Variants in RASSF3 observed in about 807,000 individuals in gnomAD.
RASSF3 encodes ras association domain-containing protein 3.
RASSF3 carries 19 observed loss-of-function variants against 19.9 expected under a neutral mutation model. The observed-to-expected ratio is 0.96, with a 90% CI of 0.67 to 1.40. The LOEUF is 1.40. Ranked by LOEUF, RASSF3 falls within the 40% of genes most tolerant of loss-of-function variation. RASSF3 has a pLI of 0.00. For synonymous variants in RASSF3, 110 were observed against 104.2 expected (o/e 1.06, Z -0.34); for missense variants, 306 against 289.8 (o/e 1.06, Z -0.41).
chr12:64,620,083 C>T (rs1798214617), intron 1 of RASSF3, among the ~76,000 whole-genome samples: 1 of 144,338 alleles, frequency 6.9e-6, no homozygotes, highest in African/African-American at 2.6e-5. Flanking sequence ...CACAATGATG[C>T]TAGACTAAGT....
chr12:64,638,511 C>T (rs907682367), intron 1 of RASSF3, among the ~76,000 whole-genome samples: 5 of 147,696 alleles, frequency 3.4e-5, no homozygotes, highest in Non-Finnish European at 7.4e-5. Context: ...ACCCAGGAGG[C>T]GGAGCTTGCG....
intron 1 of RASSF3, among the ~76,000 whole-genome samples, chr12:64,669,467 C>A (rs1363342192): frequency 6.6e-6 from 1 of 151,864 alleles, no homozygotes; most frequent in African/African-American, 2.4e-5. Context: ...GTTGACTCTT[C>A]TTTTACAGTG....
intron 1 of RASSF3, among the ~76,000 whole-genome samples, chr12:64,653,892 ACTGC>A (rs1304774957): frequency 1.3e-5 from 2 of 152,154 alleles, no homozygotes; most frequent in Non-Finnish European, 2.9e-5. Context: ...TCTAGAGAGC[ACTGC>A]CTGCGGGATG....
rs539399088 is a variant in RASSF3 at position 64,677,439 on chromosome 12, AT to A, written c.112-7341del. Among the ~76,000 whole-genome samples, 494 of 151,594 alleles carry A rather than the reference AT, an allele frequency of 3.3e-3. 1 individual carries two copies. Among genetic ancestry groups the A allele is most frequent in the Admixed American group, 7.4e-3 (113 of 15,234 alleles). ...CATACCATCATACCCAGCTATTTCTATTTTTTTGTTTGTTTTTTTAGAGACA... is the reference window on the plus strand; with the variant it reads ...CATACCATCATACCCAGCTATTTCTATTTTTTGTTTGTTTTTTTAGAGACA... On this transcript the variant is annotated intron_variant, in intron 1 of 4. Coordinates refer to ENST00000542104, the MANE Select transcript of RASSF3 (RefSeq NM_178169.4).
chr12:64,600,617 T>G (rs1276892058), intron 2 of RASSF3, among the ~76,000 whole-genome samples: 1 of 152,216 alleles, frequency 6.6e-6, no homozygotes, highest in Non-Finnish European at 1.5e-5. Context: ...ACTGCTTCCA[T>G]TCACCATATA....
upstream of RASSF3, among the ~76,000 whole-genome samples, chr12:64,528,870 A>G (rs1868645691): frequency 6.6e-6 from 1 of 152,206 alleles, no homozygotes; most frequent in African/African-American, 2.4e-5. Flanking sequence ...AGCTGGGAGC[A>G]CAAGCTTTAG....
chr12:64,600,362 G>A (rs1342218496), intron 2 of RASSF3, among the ~76,000 whole-genome samples: 2 of 152,048 alleles, frequency 1.3e-5, no homozygotes, highest in Non-Finnish European at 2.9e-5. Flanking sequence ...TGTCCCCCCT[G>A]TGGGCTTTCT....
intron 1 of RASSF3, among the ~76,000 whole-genome samples, chr12:64,659,216 A>G (rs916902454): frequency 6.6e-6 from 1 of 152,188 alleles, no homozygotes; most frequent in African/African-American, 2.4e-5. Context: ...TAAATTCTTT[A>G]CTTGGTGGGA....
At chr12:64,516,347 C>T (rs1182445078) in intron 1 of RASSF3, among the ~76,000 whole-genome samples, 9 of 152,076 alleles carry the variant, frequency 5.9e-5, no homozygotes, top group African/African-American at 2.2e-4. Flanking sequence ...CGGCCGGGCG[C>T]GGTGGCTCAC....
chr12:64,526,506 C>T (rs901139088), intron 1 of RASSF3, among the ~76,000 whole-genome samples: 9 of 151,974 alleles, frequency 5.9e-5, no homozygotes, highest in African/African-American at 2.2e-4. Context: ...CTACTTTCTA[C>T]CTCTGTGAGT....
chr12:64,540,486 T>C (rs1296281952), intron 1 of RASSF3, among the ~76,000 whole-genome samples: 2 of 152,188 alleles, frequency 1.3e-5, no homozygotes, highest in Non-Finnish European at 2.9e-5. Context: ...ACAGGAAAAC[T>C]TGTCCATGAA....
At chr12:64,646,283 A>G (rs1361478361) in intron 1 of RASSF3, among the ~76,000 whole-genome samples, 1 of 152,170 alleles carries the variant, frequency 6.6e-6, no homozygotes, top group Non-Finnish European at 1.5e-5. Flanking sequence ...TTTAGTAGAT[A>G]TTACCAGTTT....
intron 1 of RASSF3, among the ~76,000 whole-genome samples, chr12:64,619,724 G>C (rs1392646970): frequency 1.3e-5 from 2 of 152,106 alleles, no homozygotes; most frequent in Non-Finnish European, 2.9e-5. Flanking sequence ...GCTCACGCCT[G>C]TAATCCCAGC....
chr12:64,594,843 G>T (rs751089642), intron 2 of RASSF3, among the ~76,000 whole-genome samples: 43 of 151,932 alleles, frequency 2.8e-4, no homozygotes, highest in African/African-American at 1.0e-3. Flanking sequence ...GAACTCTTGG[G>T]CTCAAACGAT....
chr12:64,640,454 C>A (rs913410234), intron 1 of RASSF3, among the ~76,000 whole-genome samples: 1 of 152,190 alleles, frequency 6.6e-6, no homozygotes, highest in African/African-American at 2.4e-5. Flanking sequence ...AACAACTTCT[C>A]ATTTCCCTCT....
chr12:64,523,856 T>C (rs1481534484), intron 1 of RASSF3, among the ~76,000 whole-genome samples: 1 of 151,702 alleles, frequency 6.6e-6, no homozygotes, highest in Non-Finnish European at 1.5e-5. Context: ...TACAAGAACA[T>C]GCCACTGCAC....
At chr12:64,583,180 G>A (rs561922401) in intron 2 of RASSF3, among the ~76,000 whole-genome samples, 1 of 152,220 alleles carries the variant, frequency 6.6e-6, no homozygotes, top group African/African-American at 2.4e-5. Flanking sequence ...TCCAGAATAG[G>A]AACAAAATGA....
chr12:64,537,358 G>T (rs934800041), intron 1 of RASSF3, among the ~76,000 whole-genome samples: 3 of 152,194 alleles, frequency 2.0e-5, no homozygotes, highest in African/African-American at 7.2e-5. Context: ...CAAACAGTAA[G>T]TTGAGGTTCT....
downstream of RASSF3, among the ~76,000 whole-genome samples, chr12:64,544,061 C>T (rs1459985677): frequency 1.3e-5 from 2 of 152,132 alleles, no homozygotes; most frequent in Admixed American, 6.5e-5. Context: ...GCTGCCAGAG[C>T]ACGCCTTGGC....
Sources: allele counts gnomAD v4.1 joint callset (sites outside exome capture counted in the v4.1 genomes callset), GRCh38; gene constraint gnomAD v4.1.1; transcripts MANE v1.5; gene names NCBI Gene and HGNC (gene_info 2026-07-23, HGNC 2026-07-21).